Variants in SDK1 observed in about 807,000 individuals in gnomAD.
SDK1 encodes the protein protein sidekick-1.
Under a neutral mutation model 245.5 loss-of-function variants are expected in SDK1, and 157 were observed. The ratio of observed to expected loss-of-function variants is 0.64; its 90% CI spans 0.56 to 0.73. The LOEUF (loss-of-function observed/expected upper bound fraction) is 0.73. Among genes scored for constraint, SDK1 ranks in the 30% least tolerant of loss-of-function variants. The pLI is 0.00. For synonymous variants in SDK1, 1,647 were observed against 1,278.5 expected (o/e 1.29, Z -6.15); for missense variants, 3,583 against 3,002.3 (o/e 1.19, Z -4.52).
At chr7:4,164,832 C>T (rs1302456741) in intron 32 of SDK1, among the ~76,000 whole-genome samples, 1 of 152,134 alleles carries the variant, frequency 6.6e-6, no homozygotes, top group African/African-American at 2.4e-5. Context: ...CCCTCCAGAG[C>T]CCAACAGAAC....
intron 1 of SDK1, among the ~76,000 whole-genome samples, chr7:3,533,682 T>C (rs1436677463): frequency 6.6e-6 from 1 of 152,176 alleles, no homozygotes; most frequent in African/African-American, 2.4e-5. Context: ...TTGTCTTTTA[T>C]CTCTTTTAAG....
At chr7:3,444,697 A>T (rs1780294932) in intron 1 of SDK1, among the ~76,000 whole-genome samples, 1 of 152,036 alleles carries the variant, frequency 6.6e-6, no homozygotes, top group African/African-American at 2.4e-5. Flanking sequence ...GCTGTCCTTG[A>T]TTGGTTTTCT....
intron 5 of SDK1, among the ~76,000 whole-genome samples, chr7:3,939,227 A>G (rs1318191903): frequency 1.3e-5 from 2 of 152,222 alleles, no homozygotes; most frequent in Non-Finnish European, 2.9e-5. Flanking sequence ...CCCTGTCCCC[A>G]CACATGTGAT....
chr7:3,943,362 G>C (rs796128491), intron 5 of SDK1, among the ~76,000 whole-genome samples: 46 of 81,910 alleles, frequency 5.6e-4, no homozygotes, highest in Admixed American at 8.3e-4. Flanking sequence ...CTGCCTCCCC[G>C]TCCCCTCCCT....
chr7:4,177,903 T>G lies in SDK1; in HGVS notation c.4997-582T>G, dbSNP rs559857734. Among the ~76,000 whole-genome samples, 10 of 152,324 alleles carry G rather than the reference T, an allele frequency of 6.6e-5. No homozygotes were observed. The South Asian group carries it at 1.7e-3, about 25-fold the overall frequency. ...GAGACAGCGACAGATCATCAGGCATTAGATTCTCATAAGAGTGCAAACCCT... is the reference window on the plus strand; with the variant it reads ...GAGACAGCGACAGATCATCAGGCATGAGATTCTCATAAGAGTGCAAACCCT... On this transcript the variant is annotated intron_variant, in intron 34 of 44. Transcript: ENST00000404826.
At chr7:3,349,459 C>G (rs1443236894) in intron 1 of SDK1, among the ~76,000 whole-genome samples, 1 of 152,182 alleles carries the variant, frequency 6.6e-6, no homozygotes, top group Non-Finnish European at 1.5e-5. Flanking sequence ...ACCTGAGTGA[C>G]TGAACACAGT....
At chr7:4,164,272 C>T (rs543455537) in intron 32 of SDK1, among the ~76,000 whole-genome samples, 20 of 152,334 alleles carry the variant, frequency 1.3e-4, no homozygotes, top group African/African-American at 4.3e-4. Context: ...AGGACCCACC[C>T]GCAACTTGCC....
At chr7:3,359,484 G>A (rs1335325752) in intron 1 of SDK1, among the ~76,000 whole-genome samples, 8 of 152,192 alleles carry the variant, frequency 5.3e-5, no homozygotes, top group Admixed American at 1.3e-4. Flanking sequence ...AATCACAGAG[G>A]CTAGTAGCCT....
intron 4 of SDK1, among the ~76,000 whole-genome samples, chr7:3,752,177 C>G (rs1384149932): frequency 6.6e-6 from 1 of 152,188 alleles, no homozygotes; most frequent in Non-Finnish European, 1.5e-5. Flanking sequence ...GAAATTGGCT[C>G]TGTTAACTGT....
chr7:3,340,062 A>C (rs543388227), intron 1 of SDK1, among the ~76,000 whole-genome samples: 5 of 152,274 alleles, frequency 3.3e-5, no homozygotes, highest in African/African-American at 1.2e-4. Flanking sequence ...TCCCACAGAT[A>C]ACTTTGTGCT....
chr7:4,198,248 C>T (rs1186954302), intron 35 of SDK1, among the ~76,000 whole-genome samples: 4 of 152,130 alleles, frequency 2.6e-5, no homozygotes, highest in African/African-American at 9.6e-5. Flanking sequence ...CCATCACACA[C>T]CCCCCTCATT....
In SDK1 at chr7:3,726,450, C is replaced by T. The variant is rs115278849; in HGVS notation, c.713+84345C>T. ...TGCAGTCTTATGGCAAATTTTGAGG[C>T]CCAACTCTCACCCTTTTGCATGTTT... On this transcript the variant is annotated intron_variant, in intron 4 of 44. Transcript: ENST00000404826. 5.4e-3 allele frequency among the ~76,000 whole-genome samples: 820 copies of T among 152,300 alleles called. 6 individuals carry two copies. The highest frequency in any genetic ancestry group is 0.019 in the African/African-American group (771 of 41,558).
intron 1 of SDK1, among the ~76,000 whole-genome samples, chr7:3,512,032 G>C (rs958727830): frequency 6.6e-6 from 1 of 151,326 alleles, no homozygotes; most frequent in South Asian, 2.1e-4. Context: ...CTCTGGGTGT[G>C]GGTGAATTTA....
At chr7:3,622,817 G>C (rs1781984849) in intron 2 of SDK1, among the ~76,000 whole-genome samples, 1 of 152,150 alleles carries the variant, frequency 6.6e-6, no homozygotes, top group African/African-American at 2.4e-5. Flanking sequence ...GAATTGTTTG[G>C]GGTATTTGTG....
chr7:4,012,327 C>T, intron 16 of SDK1, 92 bp downstream of exon 16: 1 of 1,316,582 alleles, frequency 7.6e-7, no homozygotes, highest in Non-Finnish European at 1.0e-6. Flanking sequence ...CTGTAAGAGC[C>T]AAACAGGAAC....
chr7:3,455,101 T>A (rs572139770), intron 1 of SDK1, among the ~76,000 whole-genome samples: 1 of 152,160 alleles, frequency 6.6e-6, no homozygotes, highest in Non-Finnish European at 1.5e-5. Context: ...TCATATGATA[T>A]CTGTTCGTGT....
At position 3,560,912 on chromosome 7, in the gene SDK1, T is replaced by C. The variant is rs752819080; in HGVS notation, c.299-58168T>C. Among the ~76,000 whole-genome samples, 17 of 152,196 alleles carry C rather than the reference T, an allele frequency of 1.1e-4. 1 individual carries two copies. The highest frequency in any genetic ancestry group is 2.1e-4 in the Non-Finnish European group (14 of 68,046). On this transcript the variant is annotated intron_variant, in intron 1 of 44. Coordinates refer to ENST00000404826, the MANE Select transcript of SDK1 (RefSeq NM_152744.4). ...TTTCCTACACTTCCTTTGAGTCTTT[T>C]CTCAAAACATTTCAATGAGGTCATC... is the stretch of plus-strand genomic sequence containing the variant.
At chr7:3,697,910 G>A (rs1784621825) in intron 4 of SDK1, among the ~76,000 whole-genome samples, 1 of 152,154 alleles carries the variant, frequency 6.6e-6, no homozygotes, top group East Asian at 1.9e-4. Flanking sequence ...TAAAAACTGT[G>A]AACATTATAT....
intron 1 of SDK1, among the ~76,000 whole-genome samples, chr7:3,499,517 T>C (rs1782128844): frequency 6.6e-6 from 1 of 152,214 alleles, no homozygotes; most frequent in Non-Finnish European, 1.5e-5. Context: ...CCTCTCTCAT[T>C]GTTTCCGTCT....
Sources: gnomAD v4.1 joint callset for allele counts (sites outside exome capture counted in the v4.1 genomes callset) on GRCh38, gnomAD v4.1.1 for gene constraint, MANE v1.5 for transcripts, NCBI Gene and HGNC (gene_info 2026-07-23, HGNC 2026-07-21) for gene names.